Variants in ACOT7 observed in about 807,000 individuals in gnomAD.
ACOT7 encodes the protein cytosolic acyl coenzyme A thioester hydrolase.
ACOT7 carries 12 observed loss-of-function variants against 40.2 expected under a neutral mutation model. The ratio of observed to expected loss-of-function variants is 0.30; its 90% confidence interval spans 0.19 to 0.48. ACOT7 has a LOEUF of 0.48. Among genes scored for constraint, ACOT7 ranks in the 20% least tolerant of loss-of-function variants. The probability of loss-of-function intolerance (pLI) is 0.99; values close to 1 mark genes in which losing one functional copy is unlikely to be tolerated. For missense variants in ACOT7, 395 were observed against 530.8 expected (o/e 0.74, Z 2.51); for synonymous variants, 228 against 219.5 (o/e 1.04, Z -0.34).
Position 6,330,109 on chromosome 1 carries a change from C to T in ACOT7, c.511-2696G>A, listed in dbSNP as rs1288807532. 5.3e-5 allele frequency among the ~76,000 whole-genome samples: 8 copies of T among 152,260 alleles called. No individual in the cohort carries two copies. Among genetic ancestry groups the T allele is most frequent in the South Asian group, 4.1e-4 (2 of 4,824 alleles). ...CGTGTTCAAGATATCTACATGCATACGTATGTGACATCTCTATTTGTATGT... is the reference window on the plus strand; with the variant it reads ...CGTGTTCAAGATATCTACATGCATATGTATGTGACATCTCTATTTGTATGT... On this transcript the variant is annotated intron_variant, in intron 4 of 8. Coordinates refer to ENST00000361521, the MANE Select transcript of ACOT7 (RefSeq NM_007274.4). This position sits in a 1 kb window ranked among gnomAD's most constrained non-coding sequence, Gnocchi z 4.6.
chr1:6,300,675 C>T (rs973550090), intron 6 of ACOT7, among the ~76,000 whole-genome samples: 7 of 147,738 alleles, frequency 4.7e-5, no homozygotes, highest in Non-Finnish European at 1.0e-4. Context: ...GGACCCCACC[C>T]GATCCTGATG....
chr1:6,276,706 G>C (rs2148372860), intron 8 of ACOT7, among the ~76,000 whole-genome samples: 1 of 152,154 alleles, frequency 6.6e-6, no homozygotes, highest in Non-Finnish European at 1.5e-5. Context: ...CAGAACTCGT[G>C]CTCATGTGGG....
At chr1:6,348,059 G>A (rs1370110641) in intron 2 of ACOT7, among the ~76,000 whole-genome samples, 1 of 151,910 alleles carries the variant, frequency 6.6e-6, no homozygotes, top group Non-Finnish European at 1.5e-5. Context: ...CTTGGGACTT[G>A]GCCCTCACCC....
chr1:6,355,150 C>A lies in ACOT7; in HGVS notation c.144-5284G>T, dbSNP rs1641708366. ...CACCGTTCTACCTGTCCCAGCAACGCCTGACCCACCCTTTGTGAAGGACAG... is the reference window on the plus strand; with the variant it reads ...CACCGTTCTACCTGTCCCAGCAACGACTGACCCACCCTTTGTGAAGGACAG... On this transcript the variant is annotated intron_variant, in intron 1 of 8. Transcript: ENST00000361521. This position sits in a 1 kb window ranked among gnomAD's most constrained non-coding sequence, Gnocchi z 5.0. Among the ~76,000 whole-genome samples the A allele has an allele frequency of 6.6e-6, 1 of 152,148 alleles. No homozygotes were observed. Among genetic ancestry groups the A allele is most frequent in the Admixed American group, 6.5e-5 (1 of 15,274 alleles).
chr1:6,349,924 T>C, intron 1 of ACOT7, 58 bp from the exon 2 acceptor site: 1 of 1,545,706 alleles, frequency 6.5e-7, no homozygotes, highest in Non-Finnish European at 8.9e-7. Flanking sequence ...TGTGCAACAG[T>C]GACAATCCAA....
At chr1:6,268,097 G>T (rs1160734830) in intron 8 of ACOT7, among the ~76,000 whole-genome samples, 1 of 152,194 alleles carries the variant, frequency 6.6e-6, no homozygotes, top group Non-Finnish European at 1.5e-5. Flanking sequence ...GGGGACCAGT[G>T]GTGGCTAAGG....
chr1:6,385,533 C>A (rs1421999768), intron 1 of ACOT7: 5 of 1,612,366 alleles, frequency 3.1e-6, no homozygotes, highest in Non-Finnish European at 4.2e-6. Context: ...GAGATCAGCC[C>A]TGGGCCCAAC....
At chr1:6,265,565 G>A (rs1638821009) in intron 8 of ACOT7, among the ~76,000 whole-genome samples, 2 of 152,144 alleles carry the variant, frequency 1.3e-5, no homozygotes, top group Non-Finnish European at 2.9e-5. Flanking sequence ...GGACGGTCCT[G>A]GTTCATGCCT....
At chr1:6,390,268 A>AT (rs1642512193) in intron 1 of ACOT7, among the ~76,000 whole-genome samples, 1 of 152,224 alleles carries the variant, frequency 6.6e-6, no homozygotes, top group African/African-American at 2.4e-5. Context: ...CAAGGCAGCC[A>AT]CTTAGAAACA....
chr1:6,286,349 T>C lies in ACOT7; in HGVS notation c.830-5063A>G, dbSNP rs1460980590. ...AGGCGGCCAGAAGGGGAGCGCCTGG[T>C]CCTCTCTGAGCCTCTGTAGCAGGTA... On this transcript the variant is annotated intron_variant, in intron 7 of 8. Coordinates refer to ENST00000361521, the MANE Select transcript of ACOT7 (RefSeq NM_007274.4). Among the ~76,000 whole-genome samples, 5 of 152,308 alleles carry C rather than the reference T, an allele frequency of 3.3e-5. No homozygotes were observed. The East Asian group carries it at 5.8e-4, about 18-fold the overall frequency.
intron 1 of ACOT7, among the ~76,000 whole-genome samples, chr1:6,381,863 G>A (rs541827568): frequency 2.2e-4 from 33 of 151,992 alleles, no homozygotes; most frequent in African/African-American, 4.6e-4. Flanking sequence ...AGCCGGGCGC[G>A]GTGGCTCACG....
chr1:6,311,577 G>A lies in ACOT7; in HGVS notation c.712+6915C>T, dbSNP rs180903030. On this transcript the variant is annotated intron_variant, in intron 6 of 8. Transcript: ENST00000361521. This position sits in a 1 kb window ranked among gnomAD's most constrained non-coding sequence, Gnocchi z 5.2. ...GTCCCCAGCTATTGGGGTCTCTTGT[G>A]GTATAATTCAGGGAGGATCACAGTA... 2.8e-3 allele frequency among the ~76,000 whole-genome samples: 430 copies of A among 152,268 alleles called. 1 individual carries two copies. Among genetic ancestry groups the A allele is most frequent in the Admixed American group, 9.0e-3 (137 of 15,292 alleles).
At chr1:6,307,726 G>A (rs1220407735) in intron 6 of ACOT7, among the ~76,000 whole-genome samples, 3 of 150,464 alleles carry the variant, frequency 2.0e-5, no homozygotes, top group East Asian at 2.0e-4. Flanking sequence ...AGGGAACCAC[G>A]ACCAGGCGGG....
chr1:6,290,427 G>C (rs980048226), intron 7 of ACOT7, among the ~76,000 whole-genome samples: 35 of 152,270 alleles, frequency 2.3e-4, no homozygotes, highest in African/African-American at 8.2e-4. Flanking sequence ...GGGACCAGTG[G>C]CCTCTCAGGG....
In ACOT7 at chr1:6,352,363, C is replaced by T. The variant is rs1382810785; in HGVS notation, c.144-2497G>A. The stretch of plus-strand genomic sequence containing the variant: ...ACCTGGCCCCTCCCTCTTCCCCTCC[C>T]CACCTCCCTCATTCCTTCCAAACAG... On this transcript the variant is annotated intron_variant, in intron 1 of 8. Coordinates refer to ENST00000361521, the MANE Select transcript of ACOT7 (RefSeq NM_007274.4). This position sits in a 1 kb window ranked among gnomAD's most constrained non-coding sequence, Gnocchi z 4.5. The T allele has an allele frequency of 2.0e-5, 3 of 152,676 alleles. No individual in the cohort carries two copies. The highest frequency in any genetic ancestry group is 7.2e-5 in the African/African-American group (3 of 41,472). The allele number at this position is 152,676 out of a possible 1,614,324, so 9.5% of individuals were successfully genotyped here. A position where few individuals can be genotyped will look rare whatever the true frequency, so the allele number is the denominator to read the frequency against.
intron 2 of ACOT7, among the ~76,000 whole-genome samples, chr1:6,346,318 C>T (rs1641419988): frequency 6.6e-6 from 1 of 152,172 alleles, no homozygotes; most frequent in Non-Finnish European, 1.5e-5. Flanking sequence ...CCCAGGCTGG[C>T]CTCAAACTCC....
At chr1:6,320,456 A>G (rs1336955626) in intron 5 of ACOT7, among the ~76,000 whole-genome samples, 1 of 152,168 alleles carries the variant, frequency 6.6e-6, no homozygotes, top group African/African-American at 2.4e-5. Flanking sequence ...AGGCTTTCCT[A>G]GTGGGGTAGA....
Position 6,289,072 on chromosome 1 carries a change from T to A in ACOT7, c.829+5792A>T, listed in dbSNP as rs1198649109. Among the ~76,000 whole-genome samples the A allele has an allele frequency of 6.6e-6, 1 of 152,210 alleles. No homozygotes were observed. The highest frequency in any genetic ancestry group is 2.4e-5 in the African/African-American group (1 of 41,456). On this transcript the variant is annotated intron_variant, in intron 7 of 8. Transcript: ENST00000361521. The surrounding 1 kb of genome is among the most constrained non-coding windows in gnomAD (Gnocchi z 4.6). ...CCACCCCACAGGTCTGGCGTCTCCA[T>A]TCCGCATTCCCACTGTTTTCTGGTT... is the stretch of plus-strand genomic sequence containing the variant.
intron 1 of ACOT7, chr1:6,385,731 G>C: frequency 6.5e-7 from 1 of 1,543,824 alleles, no homozygotes; most frequent in Middle Eastern, 1.8e-4. Context: ...GCCCAAGCCT[G>C]TGTCTGCCTG....
Sources: gnomAD v4.1 joint callset for allele counts (sites outside exome capture counted in the v4.1 genomes callset) on GRCh38, gnomAD v4.1.1 for gene constraint, Gnocchi (gnomAD v3.1) non-coding constraint, MANE v1.5 for transcripts, NCBI Gene and HGNC (gene_info 2026-07-23, HGNC 2026-07-21) for gene names.